ZDBF2: variants seen among roughly 807,000 people sequenced by gnomAD.
ZDBF2 encodes zinc finger DBF-type containing 2.
In ZDBF2, 6 loss-of-function variants were observed where a neutral mutation model predicts 9.4. That is an observed-to-expected ratio of 0.64 (90% CI 0.35 to 1.27). ZDBF2 has a LOEUF of 1.27. Among genes scored for constraint, ZDBF2 ranks in the 50% most tolerant of loss-of-function variants. The probability of loss-of-function intolerance (pLI) is 0.03; values close to 1 mark genes in which losing one functional copy is unlikely to be tolerated. For missense variants in ZDBF2, 2,697 were observed against 2,766.8 expected (o/e 0.97, Z 0.57); for synonymous variants, 905 against 946.3 (o/e 0.96, Z 0.80).
rs1693082715 is a variant in ZDBF2 at position 206,310,191 on chromosome 2, C to T, written c.5663C>T (p.Ala1888Val). The T allele has an allele frequency of 1.2e-6, 2 of 1,613,944 alleles. No homozygotes were observed. Among genetic ancestry groups the T allele is most frequent in the Non-Finnish European group, 1.7e-6 (2 of 1,179,876 alleles). The change falls in exon 5 of 5, where the codon GCA (alanine) becomes GTA (valine). Residue 1888 changes from alanine to valine, a missense_variant. Physicochemically the swap from Ala to Val is moderately conservative, Grantham distance 64. Coordinates refer to ENST00000374423, the MANE Select transcript of ZDBF2 (RefSeq NM_020923.3). ...GACTTGCAAGGTAAGGAGGACACTG[C>T]ACCAACTCAAGCTGTGTCAGAGAGT... ...WADLQGKEDTAPTQAVSESDD... is the reference protein window; with the variant it reads ...WADLQGKEDTVPTQAVSESDD...
intron 3 of ZDBF2, among the ~76,000 whole-genome samples, chr2:206,284,285 T>G (rs2105904465): frequency 6.6e-6 from 1 of 152,318 alleles, no homozygotes; most frequent in East Asian, 1.9e-4. Flanking sequence ...TATGTATGTA[T>G]GTATTTATAT....
chr2:206,308,601 G>A lies in ZDBF2; in HGVS notation c.4073G>A (p.Ser1358Asn). 6.2e-7 allele frequency: 1 copy of A among 1,613,306 alleles called. No individual in the cohort carries two copies. Among genetic ancestry groups the A allele is most frequent in the Non-Finnish European group, 8.5e-7 (1 of 1,179,818 alleles). The stretch of plus-strand genomic sequence containing the variant: ...GAGCATGCCAGTCTGGAAGATAAGA[G>A]CAGTAATTCTTATAGTCCTGAAGAA... ...EEEHASLEDK[S>N]SNSYSPEESS... The change falls in exon 5 of 5, where the codon AGC (serine) becomes AAC (asparagine). Residue 1358 changes from serine (S) to asparagine (N), a missense_variant. Ser to Asn is a conservative substitution (Grantham distance 46). Coordinates refer to ENST00000374423, the MANE Select transcript of ZDBF2 (RefSeq NM_020923.3).
rs758774582 is a variant in ZDBF2, at chr2:206,311,116, A to G, written c.6588A>G (p.Lys2196=). The G allele has an allele frequency of 1.5e-5, 25 of 1,613,702 alleles. No homozygotes were observed. The highest frequency in any genetic ancestry group is 3.3e-5 in the Admixed American group (2 of 59,966). Residue 2196 remains lysine (K), a synonymous_variant, in exon 5 of 5, where the codon AAA becomes AAG. Coordinates refer to ENST00000374423, the MANE Select transcript of ZDBF2 (RefSeq NM_020923.3). The part of the protein sequence containing the change: ...NKLGFPKKVY[K]PIILQQKPRK... ...TAGGTTTTCCCAAAAAGGTTTATAA[A>G]CCAATTATTCTCCAGCAAAAACCCA... is the stretch of plus-strand genomic sequence containing the variant.
Position 206,309,473 on chromosome 2 carries a change from A to G in ZDBF2, c.4945A>G (p.Lys1649Glu). Residue 1649 changes from lysine to glutamate, a missense_variant, in exon 5 of 5, where the codon AAA becomes GAA. By Grantham distance (56) the Lys-to-Glu change is moderately conservative (BLOSUM62 1). Coordinates refer to ENST00000374423, the MANE Select transcript of ZDBF2 (RefSeq NM_020923.3). ...ESQGPDEKMV[K>E]YIDSEDKSCG... ...ACAAGGACCTGATGAGAAAATGGTG[A>G]AATATATTGATTCAGAAGATAAGAG... 3.1e-6 allele frequency: 5 copies of G among 1,613,890 alleles called. No homozygotes were observed. The highest frequency in any genetic ancestry group is 2.5e-6 in the Non-Finnish European group (3 of 1,179,868).
rs759643266 is a variant in ZDBF2, at chr2:206,305,582, G to A, written c.1054G>A (p.Ala352Thr). Residue 352 changes from alanine to threonine, a missense_variant, in exon 5 of 5, where the codon GCC becomes ACC. By Grantham distance (58) the Ala-to-Thr change is moderately conservative. Transcript: ENST00000374423. ...EEKHLVFNKT[A>T]FWEQKCSVSS... is the part of the protein sequence containing the mutation. Reference sequence around the variant, plus strand: ...AAAGCATTTGGTTTTTAACAAGACAGCCTTTTGGGAACAGAAGTGCTCAGT... The same window carrying A: ...AAAGCATTTGGTTTTTAACAAGACAACCTTTTGGGAACAGAAGTGCTCAGT... 2.7e-5 allele frequency: 43 copies of A among 1,613,676 alleles called. No homozygotes were observed. Among genetic ancestry groups the A allele is most frequent in the Non-Finnish European group, 3.2e-5 (38 of 1,179,818 alleles).
intron 1 of ZDBF2, among the ~76,000 whole-genome samples, chr2:206,277,701 CAT>C (rs910097487): frequency 1.5e-5 from 2 of 132,894 alleles, no homozygotes; most frequent in African/African-American, 5.6e-5. Flanking sequence ...TGTGAAAAGA[CAT>C]GTCTCGAAAC....
chr2:206,306,964 A>G lies in ZDBF2; in HGVS notation c.2436A>G (p.Glu812=). 1 of 1,613,744 alleles carries G rather than the reference A, an allele frequency of 6.2e-7. No homozygotes were observed. Among genetic ancestry groups the G allele is most frequent in the Non-Finnish European group, 8.5e-7 (1 of 1,179,766 alleles). ...AACCTGAAGTAGCTGTTTATGAGGA[A>G]GAAACTGTTGATCTGGAAAGTAAAA... ...IDQPEVAVYE[E]ETVDLESKSN... is the part of the protein sequence containing the mutation. Residue 812 remains glutamate (E), a synonymous_variant, in exon 5 of 5, where the codon GAA becomes GAG. Transcript: ENST00000374423.
chr2:206,302,882 A>C (rs1311629116), intron 4 of ZDBF2, among the ~76,000 whole-genome samples: 2 of 152,108 alleles, frequency 1.3e-5, no homozygotes, highest in Admixed American at 1.3e-4. Context: ...AAATTCAATA[A>C]ATTTTTAGGT....
In ZDBF2 at chr2:206,312,356, G is replaced by A. The variant is rs1451784153; in HGVS notation, c.*763G>A. Reference sequence around the variant, plus strand: ...ATATGAAAATCCAGGTTATTTTGTGGCCTTATCCCCTAAAAATATTTTAGG... The same window carrying A: ...ATATGAAAATCCAGGTTATTTTGTGACCTTATCCCCTAAAAATATTTTAGG... On this transcript the variant is annotated 3_prime_UTR_variant, in exon 5 of 5. Coordinates refer to ENST00000374423, the MANE Select transcript of ZDBF2 (RefSeq NM_020923.3). 1 of 151,826 alleles carries A rather than the reference G, an allele frequency of 6.6e-6. No individual in the cohort carries two copies. The highest frequency in any genetic ancestry group is 1.9e-4 in the East Asian group (1 of 5,184). The allele number at this position is 151,826 out of a possible 1,614,324, so 9.4% of individuals were successfully genotyped here. A position where few individuals can be genotyped will look rare whatever the true frequency, so the allele number is the denominator to read the frequency against.
At position 206,306,315 on chromosome 2, in the gene ZDBF2, C is replaced by T; in HGVS notation, c.1787C>T (p.Pro596Leu). Residue 596 changes from proline (P) to leucine (L), a missense_variant, in exon 5 of 5, where the codon CCC becomes CTC. This residue lies in a region of ZDBF2 where 910 missense variants were observed against 973.6 expected (regional missense o/e 0.93). Coordinates refer to ENST00000374423, the MANE Select transcript of ZDBF2 (RefSeq NM_020923.3). Reference sequence around the variant, plus strand: ...TCTCTTGAGTCAGTAGTTGATCATCCCCAACTGACTGTCAAAGGAAGAAAC... The same window carrying T: ...TCTCTTGAGTCAGTAGTTGATCATCTCCAACTGACTGTCAAAGGAAGAAAC... The part of the protein sequence containing the change: ...DVSLESVVDH[P>L]QLTVKGRNLK... The T allele has an allele frequency of 6.2e-7, 1 of 1,613,650 alleles. No homozygotes were observed. The highest frequency in any genetic ancestry group is 1.1e-5 in the South Asian group (1 of 91,070).
In ZDBF2 at chr2:206,310,513, A is replaced by G. The variant is rs746310175; in HGVS notation, c.5985A>G (p.Ser1995=). The change falls in exon 5 of 5, where the codon TCA becomes TCG. Residue 1995 remains serine, a synonymous_variant. Coordinates refer to ENST00000374423, the MANE Select transcript of ZDBF2 (RefSeq NM_020923.3). ...VKIGTVEFPA[S]CTKVLKPMQP... ...TTGGGACAGTTGAATTTCCTGCATC[A>G]TGTACTAAAGTTTTGAAGCCTATGC... The G allele has an allele frequency of 6.2e-6, 10 of 1,613,498 alleles. 1 individual carries two copies. The highest frequency in any genetic ancestry group is 2.2e-5 in the South Asian group (2 of 90,930).
rs4673350 is a variant in ZDBF2 at position 206,314,148 on chromosome 2, C to G, written c.*2555C>G. ...AATCTTGTTCTTGTTCAGTATTTTG[C>G]GTAGATTTTTATTGTAATTGTCCTG... On this transcript the variant is annotated 3_prime_UTR_variant, in exon 5 of 5. Coordinates refer to ENST00000374423, the MANE Select transcript of ZDBF2 (RefSeq NM_020923.3). 1 of 151,614 alleles carries G rather than the reference C, an allele frequency of 6.6e-6. No individual in the cohort carries two copies. Among genetic ancestry groups the G allele is most frequent in the African/African-American group, 2.4e-5 (1 of 41,318 alleles). The allele number at this position is 151,614 out of a possible 1,614,324, so 9.4% of individuals were successfully genotyped here. A position where few individuals can be genotyped will look rare whatever the true frequency, so the allele number is the denominator to read the frequency against.
chr2:206,284,151 A>G (rs1362919257), intron 3 of ZDBF2, among the ~76,000 whole-genome samples: 1 of 151,262 alleles, frequency 6.6e-6, no homozygotes, highest in Admixed American at 6.6e-5. Flanking sequence ...TCATTTTTGT[A>G]TAGGGTGTGA....
chr2:206,310,066 G>A lies in ZDBF2; in HGVS notation c.5538G>A (p.Leu1846=). The A allele has an allele frequency of 1.2e-6, 2 of 1,613,796 alleles. No homozygotes were observed. The highest frequency in any genetic ancestry group is 1.7e-6 in the Non-Finnish European group (2 of 1,179,850). Residue 1846 remains leucine, a synonymous_variant, in exon 5 of 5, where the codon CTG becomes CTA. Transcript: ENST00000374423. ...MREDDIKINA[L]VKEFREGRFH... ...AAGATGACATAAAAATTAATGCTCTGGTGAAGGAGTTTAGGGAAGGTCGTT... is the reference window on the plus strand; with the variant it reads ...AAGATGACATAAAAATTAATGCTCTAGTGAAGGAGTTTAGGGAAGGTCGTT...
At chr2:206,299,652 C>T (rs1325769739) in intron 4 of ZDBF2, among the ~76,000 whole-genome samples, 1 of 151,600 alleles carries the variant, frequency 6.6e-6, no homozygotes, top group Non-Finnish European at 1.5e-5. Flanking sequence ...TTTTAAAAAA[C>T]CACAGTACAA....
chr2:206,300,700 G>A (rs765212523), intron 4 of ZDBF2, among the ~76,000 whole-genome samples: 16 of 152,214 alleles, frequency 1.1e-4, no homozygotes, highest in Non-Finnish European at 1.8e-4. Flanking sequence ...TAAATACCTT[G>A]TTTCTTATCT....
chr2:206,302,072 G>C (rs1692534943), intron 4 of ZDBF2, among the ~76,000 whole-genome samples: 1 of 151,822 alleles, frequency 6.6e-6, no homozygotes, highest in Admixed American at 6.6e-5. Flanking sequence ...TGCAGGGTGT[G>C]ATTATAGCTC....
At position 206,309,955 on chromosome 2, in the gene ZDBF2, G is replaced by A. The variant is rs2105968653; in HGVS notation, c.5427G>A (p.Glu1809=). 1 of 1,613,654 alleles carries A rather than the reference G, an allele frequency of 6.2e-7. No individual in the cohort carries two copies. Among genetic ancestry groups the A allele is most frequent in the Non-Finnish European group, 8.5e-7 (1 of 1,179,808 alleles). ...TGAAAAAAGCAAAGGATGTCATAGA[G>A]GATAATCCTGATGAACCAGTTCTTG... ...RNLKKAKDVI[E]DNPDEPVLEA... The change falls in exon 5 of 5, where the codon GAG becomes GAA. Residue 1809 remains glutamate, a synonymous_variant. Transcript: ENST00000374423.
rs1692800980 is a variant in ZDBF2, at chr2:206,306,414, A to G, written c.1886A>G (p.Asp629Gly). The G allele has an allele frequency of 1.2e-6, 2 of 1,613,716 alleles. No homozygotes were observed. The highest frequency in any genetic ancestry group is 1.7e-5 in the Admixed American group (1 of 59,994). The change falls in exon 5 of 5, where the codon GAT (aspartate) becomes GGT (glycine). Residue 629 changes from aspartate (D) to glycine (G), a missense_variant. Physicochemically the swap from Asp to Gly is moderately conservative, Grantham distance 94. Around this residue, in one of 3 missense-constraint regions of ZDBF2, gnomAD observed 910 missense variants for 973.6 expected, o/e 0.93. Transcript: ENST00000374423. ...AGTGCTAAAGCACATCTTGATTGTG[A>G]TGTCTCACTTGGGACAGTTGCAGAT... ...PSSAKAHLDC[D>G]VSLGTVADES... is the part of the protein sequence containing the mutation.
Sources: gnomAD v4.1 joint callset for allele counts (sites outside exome capture counted in the v4.1 genomes callset) on GRCh38, gnomAD v4.1.1 for gene constraint, gnomAD v4.1.1 regional missense constraint, MANE v1.5 for transcripts, NCBI Gene and HGNC (gene_info 2026-07-23, HGNC 2026-07-21) for gene names.